The following COL17A1 variants were observed in gnomAD, a reference collection of about 807,000 sequenced individuals.
COL17A1 encodes the protein collagen alpha-1(XVII) chain.
COL17A1 carries 181 observed loss-of-function variants against 218.4 expected under a neutral mutation model. The observed-to-expected ratio is 0.83, with a 90% CI of 0.73 to 0.94. The LOEUF (loss-of-function observed/expected upper bound fraction) is 0.94, where lower values mean the gene tolerates loss of function less well. COL17A1 is among the 40% of genes least tolerant of loss of function. The pLI is 0.00. For missense variants in COL17A1, 1,924 were observed against 1,945.9 expected (o/e 0.99, Z 0.21); for synonymous variants, 721 against 731.0 (o/e 0.99, Z 0.22).
At chr10:104,047,879 C>T in intron 30 of COL17A1, 69 bp from the exon 31 acceptor site, 1 of 1,454,288 alleles carries the variant, frequency 6.9e-7, no homozygotes, top group Non-Finnish European at 9.7e-7. Flanking sequence ...CACATCTGAA[C>T]TGATAGTTTC....
At chr10:104,048,713 T>C (rs1056794941) in intron 29 of COL17A1, among the ~76,000 whole-genome samples, 2 of 152,196 alleles carry the variant, frequency 1.3e-5, no homozygotes, top group Admixed American at 1.3e-4. Context: ...AGGTAAAGCA[T>C]CTCATTTGCC....
At position 104,039,766 on chromosome 10, in the gene COL17A1, C is replaced by CCA. The variant is rs60283710; in HGVS notation, c.2789-128_2789-127dup. 4,779 of 971,644 alleles carry CCA rather than the reference C, an allele frequency of 4.9e-3. 19 individuals carry two copies. The highest frequency in any genetic ancestry group is 0.027 in the African/African-American group (1,625 of 59,596). 60.2% of individuals were successfully genotyped at this position (971,644 alleles called of 1,614,324 possible). A position where few individuals can be genotyped will look rare whatever the true frequency, so the allele number is the denominator to read the frequency against. ...GCCCTTTGGGCAGTACCTAGAGATGCCACACACACACACACACACACACAC... is the reference window on the plus strand; with the variant it reads ...GCCCTTTGGGCAGTACCTAGAGATGCCACACACACACACACACACACACACAC... On this transcript the variant is annotated intron_variant, in intron 41 of 55. Coordinates refer to ENST00000648076, the MANE Select transcript of COL17A1 (RefSeq NM_000494.4).
chr10:104,048,843 G>T (rs1331757622), intron 29 of COL17A1, among the ~76,000 whole-genome samples: 48 of 148,722 alleles, frequency 3.2e-4, no homozygotes, highest in Middle Eastern at 3.4e-3. Context: ...TTTTTTTTTG[G>T]TTTTTTTTTG....
At chr10:104,064,181 T>G (rs966000392) in intron 10 of COL17A1, among the ~76,000 whole-genome samples, 1 of 152,206 alleles carries the variant, frequency 6.6e-6, no homozygotes, top group Admixed American at 6.5e-5. Context: ...AAACTAGATC[T>G]CCTACATCCA....
intron 1 of COL17A1, among the ~76,000 whole-genome samples, chr10:104,082,808 C>T (rs2086776293): frequency 6.6e-6 from 1 of 152,216 alleles, no homozygotes; most frequent in East Asian, 1.9e-4. Flanking sequence ...GGCCCTCCAT[C>T]TTTTCCCTGA....
intron 13 of COL17A1, 69 bp downstream of exon 13, chr10:104,061,336 G>A: frequency 6.9e-7 from 1 of 1,445,448 alleles, no homozygotes; most frequent in Non-Finnish European, 9.6e-7. Context: ...GGATACACAG[G>A]CAGGATTACT....
Position 104,080,601 on chromosome 10 carries a change from A to G in COL17A1, c.52+21T>C, listed in dbSNP as rs1172991373. 1.9e-6 allele frequency: 3 copies of G among 1,611,040 alleles called. No individual in the cohort carries two copies. The South Asian group carries it at 3.3e-5, about 18-fold the overall frequency. ...ACTTTCATAATAAAACACATAAATTAAAAAATTCTGATGCTCTTACTTCTC... is the reference window on the plus strand; with the variant it reads ...ACTTTCATAATAAAACACATAAATTGAAAAATTCTGATGCTCTTACTTCTC... On this transcript the variant is annotated intron_variant, in intron 2 of 55. Coordinates refer to ENST00000648076, the MANE Select transcript of COL17A1 (RefSeq NM_000494.4).
At chr10:104,037,259 C>A in intron 46 of COL17A1, 146 bp from the exon 47 acceptor site, 1 of 766,402 alleles carries the variant, frequency 1.3e-6, no homozygotes. Flanking sequence ...ATTTTGAAAG[C>A]ATAACAAAGT....
intron 1 of COL17A1, among the ~76,000 whole-genome samples, chr10:104,084,247 T>C (rs1168043401): frequency 2.0e-5 from 3 of 151,970 alleles, no homozygotes; most frequent in East Asian, 3.8e-4. Context: ...TTGTTTTTCA[T>C]AATCTGAGAA....
At chr10:104,034,916 C>CT in intron 50 of COL17A1, 149 bp from the exon 51 acceptor site, 2 of 949,420 alleles carry the variant, frequency 2.1e-6, no homozygotes, top group Non-Finnish European at 1.6e-6. Context: ...AAGCAGGAGG[C>CT]CAGAGCCTGC....
intron 31 of COL17A1, 21 bp from the exon 32 acceptor site, chr10:104,046,794 G>A: frequency 3.1e-6 from 5 of 1,613,350 alleles, no homozygotes; most frequent in Middle Eastern, 1.6e-4. Context: ...TCAGACACAA[G>A]AGGGAAGAGT....
chr10:104,033,836 T>G, intron 52 of COL17A1, 109 bp downstream of exon 52: 1 of 1,537,640 alleles, frequency 6.5e-7, no homozygotes, highest in Non-Finnish European at 8.8e-7. Context: ...AGCCCCTGCC[T>G]GCTTGATTCT....
intron 30 of COL17A1, 113 bp downstream of exon 30, chr10:104,047,956 C>T: frequency 7.0e-7 from 1 of 1,420,550 alleles, no homozygotes; most frequent in Non-Finnish European, 1.0e-6. Flanking sequence ...GGACACTGCA[C>T]ACTTCCACAT....
rs1326036218 is a variant in COL17A1, at chr10:104,061,450, G to A, written c.934C>T (p.Pro312Ser). ...STAYGVKKNM[P>S]QSPAAVNTGV... The stretch of plus-strand genomic sequence containing the variant: ...GTGTTCACAGCCGCAGGACTCTGGG[G>A]CATGTTTTTCTTCACCCCATATGCT... The change falls in exon 13 of 56, where the codon CCC becomes TCC. Residue 312 changes from proline (P) to serine (S), a missense_variant. Pro to Ser is a moderately conservative substitution (Grantham distance 74). Transcript: ENST00000648076. The A allele has an allele frequency of 3.7e-6, 6 of 1,613,600 alleles. No homozygotes were observed. In the East Asian group the frequency reaches 1.3e-4, roughly 36 times the overall value.
At chr10:104,070,663 T>G (rs2086662019) in intron 8 of COL17A1, 94 bp from the exon 9 acceptor site, 13 of 1,609,178 alleles carry the variant, frequency 8.1e-6, no homozygotes, top group Non-Finnish European at 9.3e-6. Flanking sequence ...TTCTGACTAC[T>G]GGGGAGAATG....
intron 6 of COL17A1, 147 bp from the exon 7 acceptor site, chr10:104,073,392 A>G (rs1344317925): frequency 1.3e-6 from 1 of 748,994 alleles, no homozygotes; most frequent in Non-Finnish European, 2.4e-6. Flanking sequence ...GCAGTTGCTT[A>G]ATAAATGATG....
At chr10:104,072,920 A>G (rs1182951655) in intron 7 of COL17A1, among the ~76,000 whole-genome samples, 1 of 152,204 alleles carries the variant, frequency 6.6e-6, no homozygotes, top group Admixed American at 6.5e-5. Context: ...CAGATGTGGT[A>G]TCTGCATCTT....
intron 45 of COL17A1, 60 bp from the exon 46 acceptor site, chr10:104,037,833 G>A (rs1291287608): frequency 2.9e-5 from 46 of 1,588,968 alleles, no homozygotes; most frequent in Non-Finnish European, 3.8e-5. Flanking sequence ...TTCTCCCCAC[G>A]GAGGTGACCT....
intron 1 of COL17A1, among the ~76,000 whole-genome samples, chr10:104,084,455 A>T (rs1234346859): frequency 6.6e-6 from 1 of 152,010 alleles, no homozygotes; most frequent in African/African-American, 2.4e-5. Flanking sequence ...GGTTACAGGC[A>T]TGCACCGCCA....
Sources: allele counts gnomAD v4.1 joint callset (sites outside exome capture counted in the v4.1 genomes callset), GRCh38; gene constraint gnomAD v4.1.1; transcripts MANE v1.5; gene names NCBI Gene and HGNC (gene_info 2026-07-23, HGNC 2026-07-21).